The following ETV6 variants were observed in gnomAD, a reference collection of about 807,000 sequenced individuals.
The protein encoded by ETV6 is transcription factor ETV6.
A neutral mutation model predicts 51.1 loss-of-function variants in ETV6; 16 were observed. The observed-to-expected ratio is 0.31, with a 90% CI of 0.21 to 0.48. The LOEUF (loss-of-function observed/expected upper bound fraction) is 0.48, where lower values mean the gene tolerates loss of function less well. Ranked by LOEUF, ETV6 falls within the 20% of genes least tolerant of loss-of-function variation. ETV6 has a pLI of 0.99. For synonymous variants in ETV6, 240 were observed against 224.1 expected (o/e 1.07, Z -0.64); for missense variants, 458 against 594.8 (o/e 0.77, Z 2.39).
chr12:11,884,972 A>G (rs1789197695), intron 6 of ETV6, among the ~76,000 whole-genome samples: 1 of 152,200 alleles, frequency 6.6e-6, no homozygotes. Flanking sequence ...CTGCTCAGTT[A>G]GAAACTCCCA....
At chr12:11,784,987 A>G (rs1477868923) in intron 2 of ETV6, among the ~76,000 whole-genome samples, 1 of 150,698 alleles carries the variant, frequency 6.6e-6, no homozygotes, top group Non-Finnish European at 1.5e-5. Context: ...GATTACAGGC[A>G]TGAACCACTG....
At chr12:11,849,653 T>C (rs1946518004) in intron 3 of ETV6, among the ~76,000 whole-genome samples, 2 of 152,268 alleles carry the variant, frequency 1.3e-5, no homozygotes, top group South Asian at 2.1e-4. Context: ...AGATTCCACC[T>C]CAGCAGAGAA....
chr12:11,686,270 G>A (rs145704273), intron 1 of ETV6, among the ~76,000 whole-genome samples: 84 of 152,318 alleles, frequency 5.5e-4, no homozygotes, highest in African/African-American at 1.9e-3. Flanking sequence ...TCTTCCCAGT[G>A]GGTGGGATAG....
At chr12:11,860,752 A>T (rs1246656164) in intron 4 of ETV6, among the ~76,000 whole-genome samples, 1 of 152,162 alleles carries the variant, frequency 6.6e-6, no homozygotes, top group Non-Finnish European at 1.5e-5. Context: ...TTACAATTTT[A>T]ACCATTTTTA....
At chr12:11,658,381 GT>G (rs2120629271) in intron 1 of ETV6, among the ~76,000 whole-genome samples, 1 of 152,330 alleles carries the variant, frequency 6.6e-6, no homozygotes, top group Admixed American at 6.5e-5. Context: ...GATTACAGCT[GT>G]GCACCACTCA....
intron 1 of ETV6, among the ~76,000 whole-genome samples, chr12:11,717,008 C>T (rs1865291673): frequency 6.6e-6 from 1 of 152,216 alleles, no homozygotes; most frequent in South Asian, 2.1e-4. Flanking sequence ...AAGCTCTCAT[C>T]CAAGCCCGTA....
At chr12:11,696,702 G>C (rs1186533842) in intron 1 of ETV6, among the ~76,000 whole-genome samples, 1 of 152,158 alleles carries the variant, frequency 6.6e-6, no homozygotes, top group African/African-American at 2.4e-5. Context: ...TGTAAACCCA[G>C]CTATTCAGGA....
chr12:11,675,949 A>G (rs12581373), intron 1 of ETV6, among the ~76,000 whole-genome samples: 44,517 of 152,074 alleles, frequency 0.29, 8,116 homozygotes, highest in East Asian at 0.42. Flanking sequence ...AGAAAATAAA[A>G]GAAAGGGAAA....
chr12:11,655,298 A>G (rs1863980379), intron 1 of ETV6, among the ~76,000 whole-genome samples: 1 of 152,100 alleles, frequency 6.6e-6, no homozygotes, highest in Non-Finnish European at 1.5e-5. Flanking sequence ...CACCACTTCC[A>G]TATTTGTTGT....
chr12:11,867,001 GAA>G (rs1458686868), intron 4 of ETV6, among the ~76,000 whole-genome samples: 1 of 152,202 alleles, frequency 6.6e-6, no homozygotes, highest in Non-Finnish European at 1.5e-5. Flanking sequence ...GACTGGGGAG[GAA>G]CATGCAGCAT....
chr12:11,787,737 T>C (rs1184201052), intron 2 of ETV6, among the ~76,000 whole-genome samples: 1 of 152,210 alleles, frequency 6.6e-6, no homozygotes, highest in East Asian at 1.9e-4. Context: ...CATAGTGATT[T>C]TTTTACATGG....
Position 11,869,523 on chromosome 12 carries a change from CA to C in ETV6, c.566del (p.Asn189IlefsTer20), listed in dbSNP as rs779115584. The C allele has an allele frequency of 6.2e-7, 1 of 1,614,158 alleles. No individual in the cohort carries two copies. The highest frequency in any genetic ancestry group is 8.5e-7 in the Non-Finnish European group (1 of 1,180,038). ...CACCGCTCCAGGTCACCTATCACGA[CA>C]AATCACCGGCCTTCTCCTGACCCCG... ...LLHRSRSPIT[T>X]NHRPSPDPEQ... On this transcript the variant is annotated frameshift_variant, in exon 5 of 8. Coordinates refer to ENST00000396373, the MANE Select transcript of ETV6 (RefSeq NM_001987.5). LOFTEE classifies it high-confidence loss of function. The surrounding 1 kb of genome is among the most constrained non-coding windows in gnomAD (Gnocchi z 5.0).
rs1031955977 is a variant in ETV6 at position 11,702,776 on chromosome 12, C to T, written c.34-49674C>T. Among the ~76,000 whole-genome samples, 13 of 152,162 alleles carry T rather than the reference C, an allele frequency of 8.5e-5. No individual in the cohort carries two copies. The East Asian group carries it at 9.7e-4, about 11-fold the overall frequency. ...TCTATTCTGAACTGTAAAATGTGAG[C>T]GATTACTTTGGAAAATTAGAAGAAA... is the stretch of plus-strand genomic sequence containing the variant. On this transcript the variant is annotated intron_variant, in intron 1 of 7. Coordinates refer to ENST00000396373, the MANE Select transcript of ETV6 (RefSeq NM_001987.5).
intron 1 of ETV6, among the ~76,000 whole-genome samples, chr12:11,686,935 G>T (rs946979687): frequency 6.6e-6 from 1 of 152,186 alleles, no homozygotes; most frequent in African/African-American, 2.4e-5. Context: ...ACCCAGGCTG[G>T]AATGCAGTGG....
At chr12:11,658,682 C>T (rs1255185452) in intron 1 of ETV6, among the ~76,000 whole-genome samples, 1 of 152,168 alleles carries the variant, frequency 6.6e-6, no homozygotes, top group East Asian at 1.9e-4. Flanking sequence ...GGGCTGGGGT[C>T]ACTCAGTCAG....
chr12:11,789,179 C>T (rs1385062670), intron 2 of ETV6, among the ~76,000 whole-genome samples: 1 of 151,848 alleles, frequency 6.6e-6, no homozygotes, highest in Non-Finnish European at 1.5e-5. Context: ...ATTACAGGCG[C>T]CAGCCACCAT....
At position 11,891,933 on chromosome 12, in the gene ETV6, CTGTGAGAACCA is replaced by C. The variant is rs1266117702; in HGVS notation, c.*892_*902del. On this transcript the variant is annotated 3_prime_UTR_variant, in exon 8 of 8. Coordinates refer to ENST00000396373, the MANE Select transcript of ETV6 (RefSeq NM_001987.5). Reference sequence around the variant, plus strand: ...GTCCAGAGAGCCGCCCCTGAGATGGCTGTGAGAACCATGTGTCTAAGGCGTAAGATAAGGAT... The same window carrying C: ...GTCCAGAGAGCCGCCCCTGAGATGGCTGTGTCTAAGGCGTAAGATAAGGAT... 1.0e-4 allele frequency: 25 copies of C among 248,208 alleles called. No homozygotes were observed. The highest frequency in any genetic ancestry group is 1.9e-4 in the Non-Finnish European group (24 of 126,698). 15.4% of individuals were successfully genotyped at this position (248,208 alleles called of 1,614,324 possible). A position where few individuals can be genotyped will look rare whatever the true frequency, so the allele number is the denominator to read the frequency against.
At chr12:11,771,529 G>T (rs909032236) in intron 2 of ETV6, among the ~76,000 whole-genome samples, 2 of 152,176 alleles carry the variant, frequency 1.3e-5, no homozygotes, top group Admixed American at 1.3e-4. Context: ...CTGGTGGCAG[G>T]TTTGTATGTT....
At chr12:11,844,261 T>C (rs1275789260) in intron 3 of ETV6, among the ~76,000 whole-genome samples, 1 of 152,188 alleles carries the variant, frequency 6.6e-6, no homozygotes, top group African/African-American at 2.4e-5. Context: ...CATGTTACAC[T>C]CACTTGCTAT....
Sources: gnomAD v4.1 joint callset for allele counts (sites outside exome capture counted in the v4.1 genomes callset) on GRCh38, gnomAD v4.1.1 for gene constraint, Gnocchi (gnomAD v3.1) non-coding constraint, MANE v1.5 for transcripts, NCBI Gene and HGNC (gene_info 2026-07-23, HGNC 2026-07-21) for gene names.